The following FRMPD3 variants were observed in gnomAD, a reference collection of about 807,000 sequenced individuals.
The protein encoded by FRMPD3 is FERM and PDZ domain containing 3.
Under a neutral mutation model 97.9 loss-of-function variants are expected in FRMPD3, and 42 were observed. The observed-to-expected ratio is 0.43, with a 90% confidence interval of 0.34 to 0.55. The LOEUF is 0.55. Among genes scored for constraint, FRMPD3 ranks in the 20% least tolerant of loss-of-function variants. The pLI is 0.03. For missense variants in FRMPD3, 1,303 were observed against 1,457.7 expected (o/e 0.89, Z 1.73); for synonymous variants, 577 against 581.1 (o/e 0.99, Z 0.10).
Position 107,600,980 on chromosome X carries a change from A to C in FRMPD3, c.2941A>C (p.Ser981Arg). 1 of 1,208,072 alleles carries C rather than the reference A, an allele frequency of 8.3e-7. No individual in the cohort carries two copies. Among genetic ancestry groups the C allele is most frequent in the African/African-American group, 1.7e-5 (1 of 57,874 alleles). ...TGGTGGGGCTTTGGGGAACCCCCCC[A>C]GCAGGGGTGAGAGAAGGCTGGAGGC... ...TAGGALGNPP[S>R]RGERRLEASM... Residue 981 changes from serine (S) to arginine (R), a missense_variant, in exon 15 of 15, where the codon AGC becomes CGC. Around this residue, in one of 3 missense-constraint regions of FRMPD3, gnomAD observed 764 missense variants for 820.2 expected, o/e 0.93. Transcript: ENST00000683843.
intron 13 of FRMPD3, among the ~76,000 whole-genome samples, chrX:107,596,785 A>G (rs1013512014): frequency 2.7e-5 from 3 of 112,071 alleles, no homozygotes; most frequent in Non-Finnish European, 5.6e-5. Flanking sequence ...TTGAAATGCA[A>G]ACTCTTCGGC....
chrX:107,554,001 A>G (rs1921973693), intron 7 of FRMPD3, among the ~76,000 whole-genome samples: 1 of 111,602 alleles, frequency 9.0e-6, no homozygotes, highest in African/African-American at 3.3e-5. Context: ...TCTAATCAGC[A>G]ATTTACTCTG....
At chrX:107,483,701 T>C (rs1033496190) in intron 1 of FRMPD3, among the ~76,000 whole-genome samples, 2 of 111,721 alleles carry the variant, frequency 1.8e-5, no homozygotes, top group South Asian at 3.8e-4. Context: ...CTCTGACTGC[T>C]GTGTCCCCTG....
chrX:107,544,883 A>G (rs1265726979), intron 4 of FRMPD3: 1 of 111,494 alleles, frequency 9.0e-6, no homozygotes, highest in Non-Finnish European at 1.9e-5. Context: ...GGAGTTCAAG[A>G]CCAGCCTGGC....
At chrX:107,451,652 C>T (rs1036246003) in intron 1 of FRMPD3, among the ~76,000 whole-genome samples, 19 of 112,704 alleles carry the variant, frequency 1.7e-4, no homozygotes, top group Non-Finnish European at 2.6e-4. Context: ...CCCAAGCAAA[C>T]ATGCCAGCGT....
chrX:107,597,228 T>C (rs1280230119), intron 13 of FRMPD3, 93 bp from the exon 14 acceptor site: 3 of 778,550 alleles, frequency 3.9e-6, no homozygotes, highest in African/African-American at 4.2e-5. Flanking sequence ...GCCACTTGAT[T>C]GTGCTACAGA....
chrX:107,483,686 C>T (rs1390567819), intron 1 of FRMPD3, among the ~76,000 whole-genome samples: 1 of 111,708 alleles, frequency 9.0e-6, no homozygotes, highest in Non-Finnish European at 1.9e-5. Context: ...CTGTCTGCAT[C>T]GTGACTCTGA....
intron 1 of FRMPD3, among the ~76,000 whole-genome samples, chrX:107,458,650 G>A (rs1340192708): frequency 3.6e-5 from 4 of 111,782 alleles, no homozygotes; most frequent in African/African-American, 1.3e-4. Context: ...AAAATGATTG[G>A]CTGGGTATGG....
intron 1 of FRMPD3, among the ~76,000 whole-genome samples, chrX:107,456,687 C>A (rs982819321): frequency 8.9e-6 from 1 of 112,096 alleles, no homozygotes; most frequent in Non-Finnish European, 1.9e-5. Flanking sequence ...AAGTTCCACA[C>A]GTGACATTTG....
intron 4 of FRMPD3, among the ~76,000 whole-genome samples, chrX:107,534,625 C>G (rs1387882322): frequency 9.0e-6 from 1 of 111,208 alleles, no homozygotes; most frequent in African/African-American, 3.3e-5. Flanking sequence ...CTCCCCATGG[C>G]CCCCAGCTCC....
At chrX:107,474,161 T>C (rs1389133292) in intron 1 of FRMPD3, among the ~76,000 whole-genome samples, 3 of 112,347 alleles carry the variant, frequency 2.7e-5, no homozygotes, top group Non-Finnish European at 5.6e-5. Flanking sequence ...CTTTCCCTGT[T>C]ACCACGGGAA....
In FRMPD3 at chrX:107,597,919, G is replaced by A. The variant is rs1390928064; in HGVS notation, c.2040G>A (p.Glu680=). 8.3e-7 allele frequency: 1 copy of A among 1,208,697 alleles called. No homozygotes were observed. The highest frequency in any genetic ancestry group is 1.1e-6 in the Non-Finnish European group (1 of 895,015). Residue 680 remains glutamate, a synonymous_variant, in exon 14 of 15, where the codon GAG becomes GAA. Coordinates refer to ENST00000683843, the MANE Select transcript of FRMPD3 (RefSeq NM_001388459.1). ...PPGFRDNSSD[E]DDPKRRAVQS... ...GTTTCCGAGACAACAGCTCTGATGA[G>A]GATGACCCCAAGCGCCGGGCTGTCC...
chrX:107,571,032 A>G (rs1016237304), intron 12 of FRMPD3, among the ~76,000 whole-genome samples: 1 of 112,109 alleles, frequency 8.9e-6, no homozygotes, highest in Non-Finnish European at 1.9e-5. Flanking sequence ...AACATGAGGT[A>G]GTATTCAAAT....
chrX:107,554,596 T>C (rs1379811631), intron 8 of FRMPD3, 92 bp downstream of exon 8: 4 of 1,075,956 alleles, frequency 3.7e-6, no homozygotes, highest in Non-Finnish European at 5.0e-6. Flanking sequence ...TATGTAAGTT[T>C]TTCCAACCTC....
intron 13 of FRMPD3, among the ~76,000 whole-genome samples, chrX:107,586,353 C>T (rs1183504726): frequency 1.8e-5 from 2 of 109,119 alleles, no homozygotes; most frequent in Admixed American, 2.0e-4. Flanking sequence ...ATTAGTCTAG[C>T]TAGTGGTCTA....
At chrX:107,599,038 C>T (rs2012815) in intron 14 of FRMPD3, among the ~76,000 whole-genome samples, 7,615 of 110,873 alleles carry the variant, frequency 0.069, 316 homozygotes, top group Middle Eastern at 0.12. Context: ...TTTTGGAGGC[C>T]GAGGTGGGCA....
Position 107,560,290 on chromosome X carries a change from A to G in FRMPD3, c.796A>G (p.Met266Val), listed in dbSNP as rs772579043. Residue 266 changes from methionine (M) to valine (V), a missense_variant, in exon 9 of 15, where the codon ATG becomes GTG. This residue lies in a region of FRMPD3 where 535 missense variants were observed against 618.6 expected (regional missense o/e 0.86). Transcript: ENST00000683843. ...RNDVIRERFG[M>V]DPKPEMLLGL... ...TGATGTTATTCGAGAACGCTTTGGA[A>G]TGGATCCCAAGCCAGAGATGCTTTT... 1 of 1,208,821 alleles carries G rather than the reference A, an allele frequency of 8.3e-7. No individual in the cohort carries two copies. Among genetic ancestry groups the G allele is most frequent in the Non-Finnish European group, 1.1e-6 (1 of 894,610 alleles).
At chrX:107,526,265 G>T (rs778101925) in intron 1 of FRMPD3, among the ~76,000 whole-genome samples, 2 of 111,249 alleles carry the variant, frequency 1.8e-5, no homozygotes, top group African/African-American at 6.5e-5. Context: ...GTTAACTTCT[G>T]CAGAATATTT....
chrX:107,557,302 C>A (rs1180937382), intron 8 of FRMPD3, among the ~76,000 whole-genome samples: 1 of 109,771 alleles, frequency 9.1e-6, no homozygotes, highest in African/African-American at 3.3e-5. Flanking sequence ...TCTTTGCCTG[C>A]TTTTTTATTG....
Sources: gnomAD v4.1 joint callset for allele counts (sites outside exome capture counted in the v4.1 genomes callset) on GRCh38, gnomAD v4.1.1 for gene constraint, gnomAD v4.1.1 regional missense constraint, MANE v1.5 for transcripts, NCBI Gene and HGNC (gene_info 2026-07-23, HGNC 2026-07-21) for gene names.